The following RIGI variants were observed in gnomAD, a reference collection of about 807,000 sequenced individuals.
RIGI encodes the protein antiviral innate immune response receptor RIG-I.
chr9:32,491,327 A>G, the RIGI span: 8 of 1,613,606 alleles, frequency 5.0e-6, no homozygotes, highest in Non-Finnish European at 6.8e-6. Context: ...ATTCTCACTA[A>G]GATTCTGGCA....
the RIGI span, chr9:32,467,919 C>T: frequency 8.2e-6 from 13 of 1,592,206 alleles, no homozygotes; most frequent in Admixed American, 6.8e-5. Flanking sequence ...ACTTCTGTGC[C>T]GGGAGGGTCA....
At chr9:32,512,893 T>C in the RIGI span, among the ~76,000 whole-genome samples, 1 of 152,004 alleles carries the variant, frequency 6.6e-6, no homozygotes, top group African/African-American at 2.4e-5. Context: ...AAAATCAATG[T>C]GCAAAAATCA....
At chr9:32,501,389 C>T in the RIGI span, among the ~76,000 whole-genome samples, 284 of 151,588 alleles carry the variant, frequency 1.9e-3, 3 homozygotes, top group African/African-American at 6.6e-3. Flanking sequence ...CCTGTAGTCT[C>T]AGCTACTTTG....
At chr9:32,488,631 A>C in the RIGI span, 7 of 1,214,046 alleles carry the variant, frequency 5.8e-6, no homozygotes, top group Non-Finnish European at 7.7e-6. Flanking sequence ...AAAAAGCTGA[A>C]TCTAATATAA....
chr9:32,519,257 T>G, the RIGI span, among the ~76,000 whole-genome samples: 1 of 152,172 alleles, frequency 6.6e-6, no homozygotes, highest in East Asian at 1.9e-4. Context: ...ATAAAACCAT[T>G]GATGGCTTTT....
chr9:32,488,163 C>T, the RIGI span: 1 of 1,614,092 alleles, frequency 6.2e-7, no homozygotes, highest in Non-Finnish European at 8.5e-7. Flanking sequence ...TCCACTGGGA[C>T]ATTCTCAGCT....
the RIGI span, among the ~76,000 whole-genome samples, chr9:32,483,754 CTGCT>C: frequency 6.6e-6 from 1 of 151,924 alleles, no homozygotes; most frequent in East Asian, 1.9e-4. Flanking sequence ...GCTCTGGCCT[CTGCT>C]TGCTTTTGCT....
At chr9:32,480,468 T>G in the RIGI span, 5 of 1,082,774 alleles carry the variant, frequency 4.6e-6, no homozygotes, top group Admixed American at 6.1e-5. Flanking sequence ...TCTTTTCAAA[T>G]CTATTCCAAC....
chr9:32,480,464 C>T, the RIGI span: 1 of 1,102,758 alleles, frequency 9.1e-7, no homozygotes, highest in Non-Finnish European at 1.2e-6. Flanking sequence ...CTTTTCTTTT[C>T]AAATCTATTC....
chr9:32,510,636 C>A, the RIGI span, among the ~76,000 whole-genome samples: 1 of 152,118 alleles, frequency 6.6e-6, no homozygotes, highest in Non-Finnish European at 1.5e-5. Context: ...CAAAAACATA[C>A]CAAATTGTAA....
the RIGI span, among the ~76,000 whole-genome samples, chr9:32,499,316 G>GTTTTTTTTTTTTTTTTTT: frequency 1.4e-4 from 8 of 57,634 alleles, no homozygotes; most frequent in African/African-American, 3.6e-4. Context: ...TTTGTGATTT[G>GTTTTTTTTTTTTTTTTTT]TTTTTTTTTT....
chr9:32,523,218 T>C, the RIGI span, among the ~76,000 whole-genome samples: 3 of 152,188 alleles, frequency 2.0e-5, no homozygotes, highest in African/African-American at 7.2e-5. Context: ...ATTGGCTTTA[T>C]GTGCAGCCAG....
chr9:32,459,686 CCTAA>C, the RIGI span, among the ~76,000 whole-genome samples: 2 of 152,114 alleles, frequency 1.3e-5, no homozygotes, highest in African/African-American at 2.4e-5. Context: ...TATTGGTTCT[CCTAA>C]CTTAGTATTA....
At chr9:32,497,724 C>A in the RIGI span, among the ~76,000 whole-genome samples, 1 of 152,200 alleles carries the variant, frequency 6.6e-6, no homozygotes, top group South Asian at 2.1e-4. Context: ...TCCATCCAGC[C>A]TGGGCGACAG....
the RIGI span, among the ~76,000 whole-genome samples, chr9:32,516,172 G>C: frequency 6.6e-6 from 1 of 152,258 alleles, no homozygotes; most frequent in African/African-American, 2.4e-5. Context: ...CAGACAATGA[G>C]GCCAGGCCCC....
At chr9:32,515,630 A>G in the RIGI span, among the ~76,000 whole-genome samples, 1 of 152,154 alleles carries the variant, frequency 6.6e-6, no homozygotes, top group African/African-American at 2.4e-5. Context: ...AACTGCCTAC[A>G]TTTATCTTCT....
At chr9:32,520,552 A>C in the RIGI span, among the ~76,000 whole-genome samples, 3 of 152,326 alleles carry the variant, frequency 2.0e-5, no homozygotes, top group East Asian at 5.8e-4. Context: ...AACTGCTTTC[A>C]TGAGACATAG....
At chr9:32,504,111 A>T in the RIGI span, among the ~76,000 whole-genome samples, 1 of 151,050 alleles carries the variant, frequency 6.6e-6, no homozygotes, top group South Asian at 2.1e-4. Flanking sequence ...GTGAGTGAGA[A>T]AAGTGCTGCA....
the RIGI span, chr9:32,477,282 T>G: frequency 1.2e-6 from 1 of 825,562 alleles, no homozygotes; most frequent in South Asian, 2.0e-5. Context: ...GTACAACCTT[T>G]TAAGAGGTAA....
Sources: allele counts gnomAD v4.1 joint callset (sites outside exome capture counted in the v4.1 genomes callset), GRCh38; gene constraint gnomAD v4.1.1; transcripts MANE v1.5; gene names NCBI Gene and HGNC (gene_info 2026-07-23, HGNC 2026-07-21).